PSD: variants seen among roughly 807,000 people sequenced by gnomAD.
The protein encoded by PSD is PH and SEC7 domain-containing protein 1.
PSD carries 32 observed loss-of-function variants against 91.6 expected under a neutral mutation model. That is an observed-to-expected ratio of 0.35 (90% CI 0.26 to 0.47). The LOEUF (loss-of-function observed/expected upper bound fraction) is 0.47. Among genes scored for constraint, PSD ranks in the 20% least tolerant of loss-of-function variants. PSD has a pLI of 1.00. For missense variants in PSD, 1,099 were observed against 1,373.9 expected, an observed-to-expected ratio of 0.80 and a Z score of 3.16; for synonymous variants, 532 against 569.3, an observed-to-expected ratio of 0.93 and a Z score of 0.93.
Position 102,410,688 on chromosome 10 carries a change from G to T in PSD, c.2091+170C>A, listed in dbSNP as rs543072641. 6.6e-6 allele frequency among the ~76,000 whole-genome samples: 1 copy of T among 152,214 alleles called. No homozygotes were observed. The highest frequency in any genetic ancestry group is 2.4e-5 in the African/African-American group (1 of 41,456). On this transcript the variant is annotated intron_variant, in intron 10 of 16. Coordinates refer to ENST00000020673, the MANE Select transcript of PSD (RefSeq NM_002779.5). The surrounding 1 kb of genome is among the most constrained non-coding windows in gnomAD (Gnocchi z 6.0). ...TGTTCCGGGAGAGCCTGCGCGTGGG[G>T]CCTGGGGAGGGGGCGGTCCCCAGGC...
In PSD at chr10:102,410,627, C is replaced by G. The variant is rs1027713736; in HGVS notation, c.2091+231G>C. ...GTTTTCCAGAGCCGGGTCCCCTCCC[C>G]CGCCGTGCGCAGTCGCGACCGCACG... is the stretch of plus-strand genomic sequence containing the variant. On this transcript the variant is annotated intron_variant, in intron 10 of 16. Transcript: ENST00000020673. This position sits in a 1 kb window ranked among gnomAD's most constrained non-coding sequence, Gnocchi z 6.0. Among the ~76,000 whole-genome samples the G allele has an allele frequency of 1.3e-5, 2 of 152,222 alleles. No individual in the cohort carries two copies. The highest frequency in any genetic ancestry group is 2.4e-5 in the African/African-American group (1 of 41,460).
At position 102,418,589 on chromosome 10, in the gene PSD, G is replaced by C. The variant is rs1436859155; in HGVS notation, c.-84+112C>G. On this transcript the variant is annotated intron_variant, in intron 1 of 16. Transcript: ENST00000020673. ...TAAAGGGGCCTCTGGTGGCAATGCA[G>C]GGGAGGGGCAGAGGTCAGGAGTAGC... The C allele has an allele frequency of 2.8e-5, 11 of 398,240 alleles. No homozygotes were observed. The East Asian group carries it at 8.4e-4, about 31-fold the overall frequency. 24.7% of individuals were successfully genotyped at this position (398,240 alleles called of 1,614,324 possible).
rs2061416044 is a variant in PSD, at chr10:102,410,660, G to GC, written c.2091+197dup. 6.6e-6 allele frequency among the ~76,000 whole-genome samples: 1 copy of GC among 152,218 alleles called. No homozygotes were observed. The highest frequency in any genetic ancestry group is 2.4e-5 in the African/African-American group (1 of 41,460). ...CGCAGTCGCGACCGCACGCATGTGC[G>GC]CATGTTCCGGGAGAGCCTGCGCGTG... On this transcript the variant is annotated intron_variant, in intron 10 of 16. Transcript: ENST00000020673. The surrounding 1 kb of genome is among the most constrained non-coding windows in gnomAD (Gnocchi z 6.0).
Position 102,405,461 on chromosome 10 carries a change from C to G in PSD, c.2211G>C (p.Gly737=), listed in dbSNP as rs2061349868. 1 of 1,614,022 alleles carries G rather than the reference C, an allele frequency of 6.2e-7. No homozygotes were observed. The part of the protein sequence containing the change: ...PNPKVIKRIS[G]GSGSGSSPFL... ...AAGGGCTGGAGCCACTGCCACTGCCCCCGCTGATCCGCTTGATGACCTTGG... is the reference window on the plus strand; with the variant it reads ...AAGGGCTGGAGCCACTGCCACTGCCGCCGCTGATCCGCTTGATGACCTTGG... The change falls in exon 12 of 17, where the codon GGG becomes GGC. Residue 737 remains glycine, a synonymous_variant. Coordinates refer to ENST00000020673, the MANE Select transcript of PSD (RefSeq NM_002779.5). This position sits in a 1 kb window ranked among gnomAD's most constrained non-coding sequence, Gnocchi z 5.4.
chr10:102,407,952 T>C (rs1371645508), intron 10 of PSD, among the ~76,000 whole-genome samples: 2 of 152,208 alleles, frequency 1.3e-5, no homozygotes, highest in Admixed American at 6.5e-5. Context: ...AATCCCTGCA[T>C]AGCCCAAACT....
chr10:102,409,129 C>T lies in PSD; in HGVS notation c.2091+1729G>A. ...CGGCGCGCCGCGGCCCCCGGCCATG[C>T]CCCCGTCCGCCCTCGGCCCCCGGGC... On this transcript the variant is annotated intron_variant, in intron 10 of 16. Transcript: ENST00000020673. This position sits in a 1 kb window ranked among gnomAD's most constrained non-coding sequence, Gnocchi z 5.7. 1.9e-5 allele frequency: 19 copies of T among 981,230 alleles called. No homozygotes were observed. Among genetic ancestry groups the T allele is most frequent in the South Asian group, 4.7e-5 (1 of 21,284 alleles). The allele number at this position is 981,230 out of a possible 1,614,324, so 60.8% of individuals were successfully genotyped here. A position where few individuals can be genotyped will look rare whatever the true frequency, so the allele number is the denominator to read the frequency against.
chr10:102,404,900 G>A lies in PSD; in HGVS notation c.2553C>T (p.Ala851=). 6.2e-7 allele frequency: 1 copy of A among 1,612,740 alleles called. No homozygotes were observed. Among genetic ancestry groups the A allele is most frequent in the Non-Finnish European group, 8.5e-7 (1 of 1,179,364 alleles). ...ATGGGCAGGAGGAGGGCACTCACGG[G>A]GCCTGGAAGAGGAAGACCCGCCAGT... ...TADWRVFLFQ[A]PSLEQMQSWI... Residue 851 remains alanine, a splice_region_variant and synonymous_variant, in exon 14 of 17, where the codon GCC becomes GCT. Coordinates refer to ENST00000020673, the MANE Select transcript of PSD (RefSeq NM_002779.5). This position sits in a 1 kb window ranked among gnomAD's most constrained non-coding sequence, Gnocchi z 5.7.
chr10:102,408,809 G>A (rs2061392569), intron 10 of PSD: 3 of 892,902 alleles, frequency 3.4e-6, no homozygotes, highest in African/African-American at 3.6e-5. Context: ...CTCCGCCCTC[G>A]GTTGGCACCG....
At position 102,417,060 on chromosome 10, in the gene PSD, G is replaced by A. The variant is rs755781441; in HGVS notation, c.-22C>T. The A allele has an allele frequency of 1.3e-5, 19 of 1,481,924 alleles. No homozygotes were observed. The highest frequency in any genetic ancestry group is 1.7e-5 in the Non-Finnish European group (19 of 1,102,880). 91.8% of individuals were successfully genotyped at this position (1,481,924 alleles called of 1,614,324 possible). A position where few individuals can be genotyped will look rare whatever the true frequency, so the allele number is the denominator to read the frequency against. ...CCATGCTGGGGCCGGGGGTCAGGCT[G>A]GGGGGGCAGGGATGGCGAGGCCAGG... On this transcript the variant is annotated 5_prime_UTR_variant, in exon 2 of 17. Transcript: ENST00000020673.
upstream of PSD, chr10:102,419,869 C>T: frequency 4.5e-6 from 1 of 221,890 alleles, no homozygotes; most frequent in South Asian, 4.0e-5. The surrounding 1 kb of genome is among the most constrained non-coding windows in gnomAD (Gnocchi z 4.8). Context: ...ATAGCAAGCC[C>T]TCACCTAACT....
chr10:102,407,998 A>G (rs1304352916), intron 10 of PSD, among the ~76,000 whole-genome samples: 1 of 152,174 alleles, frequency 6.6e-6, no homozygotes, highest in Non-Finnish European at 1.5e-5. Flanking sequence ...CCCTCTGTGC[A>G]GTTGGCCTGG....
rs527709812 is a variant in PSD, at chr10:102,410,179, T to C, written c.2091+679A>G. ...TTCTTCAAGTGAGTCCAGGCCTCTC[T>C]AGATAAACTACCACCAGATCAGGGA... On this transcript the variant is annotated intron_variant, in intron 10 of 16. Coordinates refer to ENST00000020673, the MANE Select transcript of PSD (RefSeq NM_002779.5). This position sits in a 1 kb window ranked among gnomAD's most constrained non-coding sequence, Gnocchi z 6.0. 3.9e-4 allele frequency among the ~76,000 whole-genome samples: 59 copies of C among 152,280 alleles called. 1 individual carries two copies. In the East Asian group the frequency reaches 8.7e-3, roughly 22 times the overall value.
At chr10:102,407,404 G>C (rs948123081) in intron 10 of PSD, 138 bp from the exon 11 acceptor site, 1 of 535,804 alleles carries the variant, frequency 1.9e-6, no homozygotes. Context: ...AAAAATACAG[G>C]CTCCAGAATG....
At chr10:102,417,175 G>C in intron 1 of PSD, 54 bp from the exon 2 acceptor site, 1 of 600,432 alleles carries the variant, frequency 1.7e-6, no homozygotes, top group Non-Finnish European at 2.9e-6. Context: ...TAGATGGATA[G>C]GACAGCAGAG....
rs146640429 is a variant in PSD, at chr10:102,413,792, C to A, written c.1530G>T (p.Gly510=). The change falls in exon 5 of 17, where the codon GGG becomes GGT. Residue 510 remains glycine (G), a synonymous_variant. Coordinates refer to ENST00000020673, the MANE Select transcript of PSD (RefSeq NM_002779.5). ...PSPCHSEDSL[G]LGAAPLGSEP... ...ACCTGCCAAGGGGTGCTGCCCCCAGCCCAAGGCTGTCCTCTGAGTGGCAGG... is the reference window on the plus strand; with the variant it reads ...ACCTGCCAAGGGGTGCTGCCCCCAGACCAAGGCTGTCCTCTGAGTGGCAGG... The A allele has an allele frequency of 6.2e-7, 1 of 1,613,612 alleles. No homozygotes were observed. Among genetic ancestry groups the A allele is most frequent in the South Asian group, 1.1e-5 (1 of 91,046 alleles).
Position 102,414,148 on chromosome 10 carries a change from TC to T in PSD, c.1173del (p.Thr392ArgfsTer131). 1 of 1,613,820 alleles carries T rather than the reference TC, an allele frequency of 6.2e-7. No homozygotes were observed. The highest frequency in any genetic ancestry group is 8.5e-7 in the Non-Finnish European group (1 of 1,179,886). On this transcript the variant is annotated frameshift_variant, in exon 5 of 17. Coordinates refer to ENST00000020673, the MANE Select transcript of PSD (RefSeq NM_002779.5). LOFTEE classifies it high-confidence loss of function. This position sits in a 1 kb window ranked among gnomAD's most constrained non-coding sequence, Gnocchi z 5.6. ...TCAGGCCCATCAGCCGAGGGGCTCG[TC>T]CCAGGTAGAAAGGGCACAGGTGACT... The part of the protein sequence containing the change: ...PLKSPVPFLP[G>X]TSPSADGPDS...
chr10:102,405,155 G>A lies in PSD; in HGVS notation c.2397+28C>T. 4 of 1,610,138 alleles carry A rather than the reference G, an allele frequency of 2.5e-6. No homozygotes were observed. The highest frequency in any genetic ancestry group is 2.2e-5 in the South Asian group (2 of 91,048). On this transcript the variant is annotated intron_variant, in intron 13 of 16. Coordinates refer to ENST00000020673, the MANE Select transcript of PSD (RefSeq NM_002779.5). The surrounding 1 kb of genome is among the most constrained non-coding windows in gnomAD (Gnocchi z 5.4). ...ACACCCACCAGCCAACTCAGTCCCA[G>A]CCCCAGCCCCCTGGCCTGACCCCGC...
rs1438963143 is a variant in PSD at position 102,405,552 on chromosome 10, C to T, written c.2136-16G>A. 1.3e-6 allele frequency: 2 copies of T among 1,592,930 alleles called. No individual in the cohort carries two copies. The highest frequency in any genetic ancestry group is 1.1e-5 in the South Asian group (1 of 90,610). On this transcript the variant is annotated splice_polypyrimidine_tract_variant and intron_variant, in intron 11 of 16. Transcript: ENST00000020673. The surrounding 1 kb of genome is among the most constrained non-coding windows in gnomAD (Gnocchi z 5.4). ...CTCCTCGTCTCTGCAGGTGTGATCA[C>T]CTCAGAGGGGGCTGGCCATGGAGCC...
rs1416491924 is a variant in PSD, at chr10:102,414,477, T to A, written c.1125-280A>T. Among the ~76,000 whole-genome samples, 3 of 152,000 alleles carry A rather than the reference T, an allele frequency of 2.0e-5. No individual in the cohort carries two copies. Among genetic ancestry groups the A allele is most frequent in the African/African-American group, 7.2e-5 (3 of 41,380 alleles). ...ATCCGCTTCCCTTCTGCCATCCCAT[T>A]TCTATTTCTAGCAACATCTTAGGAG... On this transcript the variant is annotated intron_variant, in intron 4 of 16. Coordinates refer to ENST00000020673, the MANE Select transcript of PSD (RefSeq NM_002779.5). This position sits in a 1 kb window ranked among gnomAD's most constrained non-coding sequence, Gnocchi z 5.6.
Sources: allele counts gnomAD v4.1 joint callset (sites outside exome capture counted in the v4.1 genomes callset), GRCh38; gene constraint gnomAD v4.1.1; non-coding constraint Gnocchi (gnomAD v3.1); transcripts MANE v1.5; gene names NCBI Gene and HGNC (gene_info 2026-07-23, HGNC 2026-07-21).